Variants in TENM1 observed in about 807,000 individuals in gnomAD.
TENM1 encodes teneurin transmembrane protein 1.
In TENM1, 35 loss-of-function variants were observed where a neutral mutation model predicts 174.8. The observed-to-expected ratio is 0.20, with a 90% CI of 0.15 to 0.27. TENM1 has a LOEUF of 0.27. Among genes scored for constraint, TENM1 ranks in the 10% least tolerant of loss-of-function variants. The probability of loss-of-function intolerance (pLI) is 1.00; values close to 1 mark genes in which losing one functional copy is unlikely to be tolerated. For missense variants in TENM1, 1,633 were observed against 2,130.1 expected (o/e 0.77, Z 4.59); for synonymous variants, 781 against 798.7 (o/e 0.98, Z 0.37).
At chrX:124,509,636 A>G (rs2047532501) in intron 18 of TENM1, among the ~76,000 whole-genome samples, 1 of 110,469 alleles carries the variant, frequency 9.1e-6, no homozygotes, top group South Asian at 3.9e-4. Flanking sequence ...CACTGGAGAT[A>G]TACTGAATAT....
At chrX:124,407,994 C>T (rs1603254512) in intron 25 of TENM1, among the ~76,000 whole-genome samples, 2 of 111,600 alleles carry the variant, frequency 1.8e-5, no homozygotes, top group East Asian at 5.6e-4. Flanking sequence ...GCAAAGACTG[C>T]CCACGTTCTG....
the TENM1 span, among the ~76,000 whole-genome samples, chrX:125,122,859 C>A: frequency 9.0e-6 from 1 of 110,698 alleles, no homozygotes; most frequent in Non-Finnish European, 1.9e-5. Context: ...ACAGTCATTT[C>A]TAGGGTTAAG....
chrX:124,808,826 G>A (rs1266475787), intron 3 of TENM1, among the ~76,000 whole-genome samples: 2 of 111,088 alleles, frequency 1.8e-5, no homozygotes, highest in Non-Finnish European at 3.8e-5. Flanking sequence ...TACAGCATAC[G>A]GCAAAATAAT....
chrX:124,962,332 G>A (rs2058666252), intron 1 of TENM1, among the ~76,000 whole-genome samples: 2 of 111,419 alleles, frequency 1.8e-5, no homozygotes, highest in South Asian at 7.7e-4. Flanking sequence ...AGAATCCCCT[G>A]GGGATTTGTT....
At chrX:125,133,277 C>A in the TENM1 span, among the ~76,000 whole-genome samples, 1 of 112,105 alleles carries the variant, frequency 8.9e-6, no homozygotes, top group East Asian at 2.8e-4. Flanking sequence ...TTAGGGATTA[C>A]AGGCGTGAGC....
At chrX:124,840,725 C>T (rs1447352283) in intron 3 of TENM1, among the ~76,000 whole-genome samples, 1 of 111,873 alleles carries the variant, frequency 8.9e-6, no homozygotes, top group Non-Finnish European at 1.9e-5. Flanking sequence ...TAATCAGATC[C>T]TGCTTAAAAT....
intron 1 of TENM1, among the ~76,000 whole-genome samples, chrX:124,908,740 G>A (rs997907858): frequency 1.8e-5 from 2 of 111,442 alleles, no homozygotes; most frequent in Non-Finnish European, 3.8e-5. Context: ...ATGTAAAACT[G>A]CATGTTCCTT....
At chrX:125,115,602 A>G in the TENM1 span, among the ~76,000 whole-genome samples, 1 of 111,302 alleles carries the variant, frequency 9.0e-6, no homozygotes, top group Non-Finnish European at 1.9e-5. Flanking sequence ...TAATAGAAAA[A>G]CAGAGAGCCA....
the TENM1 span, among the ~76,000 whole-genome samples, chrX:125,020,572 G>A: frequency 2.8e-5 from 3 of 108,112 alleles, no homozygotes; most frequent in Non-Finnish European, 3.8e-5. Context: ...TTCAAAATTC[G>A]AGTTAATTTT....
chrX:124,664,532 GAA>G lies in TENM1; in HGVS notation c.1168+7149_1168+7150del, dbSNP rs779501054. On this transcript the variant is annotated intron_variant, in intron 6 of 31. Coordinates refer to ENST00000422452, the Ensembl canonical transcript of TENM1. ...CATTTATGTCTCAGATAAAGCAAAA[GAA>G]AAAAAAAAAAAAAAAAAAAAAAGCA... Among the ~76,000 whole-genome samples, 104 of 29,253 alleles carry G rather than the reference GAA, an allele frequency of 3.6e-3. 1 individual carries two copies. The highest frequency in any genetic ancestry group is 0.01 in the African/African-American group (85 of 8,420). 25.4% of individuals were successfully genotyped at this position (29,253 alleles called of 115,157 possible). A position where few individuals can be genotyped will look rare whatever the true frequency, so the allele number is the denominator to read the frequency against.
intron 10 of TENM1, 71 bp downstream of exon 13, chrX:124,645,072 G>A (rs2051123334): frequency 1.9e-6 from 2 of 1,064,714 alleles, no homozygotes; most frequent in Admixed American, 4.7e-5. Flanking sequence ...TCTACTAGGA[G>A]AACAGAATGA....
chrX:124,481,276 T>C (rs1041233739), intron 22 of TENM1, among the ~76,000 whole-genome samples: 5 of 111,583 alleles, frequency 4.5e-5, no homozygotes, highest in Non-Finnish European at 7.5e-5. Flanking sequence ...ATATTCAACA[T>C]ACTTAGCAGT....
At chrX:124,616,193 A>C (rs189770621) in intron 11 of TENM1, among the ~76,000 whole-genome samples, 152 of 112,844 alleles carry the variant, frequency 1.3e-3, no homozygotes, top group Non-Finnish European at 2.4e-3. Context: ...GGCTATTAAT[A>C]TGACCAAAAA....
the TENM1 span, among the ~76,000 whole-genome samples, chrX:125,029,406 T>G: frequency 9.0e-6 from 1 of 111,532 alleles, no homozygotes. Context: ...TTCGCATCTC[T>G]TGTAGCACTT....
intron 11 of TENM1, among the ~76,000 whole-genome samples, chrX:124,587,264 C>T (rs1357771564): frequency 9.0e-6 from 1 of 110,545 alleles, no homozygotes; most frequent in African/African-American, 3.3e-5. Flanking sequence ...AAGCTGGAGG[C>T]ATCATGCTAC....
At chrX:124,531,628 C>CT (rs2048108831) in intron 15 of TENM1, among the ~76,000 whole-genome samples, 1 of 112,252 alleles carries the variant, frequency 8.9e-6, no homozygotes, top group South Asian at 3.7e-4. Flanking sequence ...AGATCAGTGG[C>CT]TTTTTTCCAG....
At chrX:124,479,917 G>A (rs1316306177) in intron 22 of TENM1, among the ~76,000 whole-genome samples, 2 of 111,962 alleles carry the variant, frequency 1.8e-5, no homozygotes, top group East Asian at 5.6e-4. Flanking sequence ...GACCCACTAT[G>A]TATAAGGAAA....
rs760830182 is a variant in TENM1, at chrX:124,640,609, G to A, written c.2077+1182C>T. Among the ~76,000 whole-genome samples, 6 of 111,967 alleles carry A rather than the reference G, an allele frequency of 5.4e-5. No individual in the cohort carries two copies. The East Asian group carries it at 1.7e-3, about 31-fold the overall frequency. On this transcript the variant is annotated intron_variant, in intron 11 of 31. Coordinates refer to ENST00000422452, the Ensembl canonical transcript of TENM1. ...ATTCAGGCAAAAAGACAAGCCATGT[G>A]CACACATATCTACATCACAATGTTT... is the stretch of plus-strand genomic sequence containing the variant.
chrX:124,759,782 T>C (rs2054362486), intron 3 of TENM1, among the ~76,000 whole-genome samples: 1 of 112,110 alleles, frequency 8.9e-6, no homozygotes, highest in African/African-American at 3.2e-5. Context: ...TCCATATTTC[T>C]AAATAAATAA....
Sources: gnomAD v4.1 joint callset for allele counts (sites outside exome capture counted in the v4.1 genomes callset) on GRCh38, gnomAD v4.1.1 for gene constraint, MANE v1.5 for transcripts, NCBI Gene and HGNC (gene_info 2026-07-23, HGNC 2026-07-21) for gene names.